ERBB4: variants seen among roughly 807,000 people sequenced by gnomAD.
ERBB4 encodes the protein receptor tyrosine-protein kinase erbB-4.
ERBB4 carries 42 observed loss-of-function variants against 158.0 expected under a neutral mutation model. The observed-to-expected ratio is 0.27, with a 90% CI of 0.21 to 0.34. The LOEUF (loss-of-function observed/expected upper bound fraction) is 0.34. ERBB4 is among the 10% of genes least tolerant of loss of function. The probability of loss-of-function intolerance (pLI) is 1.00; values close to 1 mark genes in which losing one functional copy is unlikely to be tolerated. For missense variants in ERBB4, 1,333 were observed against 1,624.1 expected (o/e 0.82, Z 3.08); for synonymous variants, 583 against 558.7 (o/e 1.04, Z -0.61).
chr2:212,434,636 A>C (rs1454564777), intron 1 of ERBB4, among the ~76,000 whole-genome samples: 4 of 151,922 alleles, frequency 2.6e-5, no homozygotes, highest in Admixed American at 6.6e-5. Flanking sequence ...GTAAACTTCA[A>C]ATTCTCAAAG....
Position 211,550,813 on chromosome 2 carries a change from A to C in ERBB4, c.2487+11090T>G, listed in dbSNP as rs546253617. ...AATATGATTTCTAAATTAATCAATT[A>C]ATTGTTCCTGGTTAGATCATGGCTG... On this transcript the variant is annotated intron_variant, in intron 20 of 27. Transcript: ENST00000342788. Among the ~76,000 whole-genome samples the C allele has an allele frequency of 5.1e-4, 76 of 150,324 alleles. 2 individuals carry two copies. Among genetic ancestry groups the C allele is most frequent in the Admixed American group, 1.0e-3 (15 of 15,022 alleles).
At chr2:212,275,125 G>A (rs950183988) in intron 1 of ERBB4, among the ~76,000 whole-genome samples, 3 of 152,002 alleles carry the variant, frequency 2.0e-5, no homozygotes, top group African/African-American at 7.2e-5. Context: ...TGGCTGCATA[G>A]TATTTCATGG....
At chr2:211,715,423 G>T (rs1434633229) in intron 7 of ERBB4, among the ~76,000 whole-genome samples, 2 of 152,146 alleles carry the variant, frequency 1.3e-5, no homozygotes, top group African/African-American at 4.8e-5. Context: ...TATCTCAGGG[G>T]AACCCAACCT....
intron 2 of ERBB4, among the ~76,000 whole-genome samples, chr2:212,055,241 G>A (rs1346698452): frequency 6.6e-6 from 1 of 152,244 alleles, no homozygotes; most frequent in East Asian, 1.9e-4. Context: ...GCAGCAGTGA[G>A]TCTGGGGAAG....
intron 15 of ERBB4, among the ~76,000 whole-genome samples, chr2:211,662,038 C>CAAAAAAAAAAAAAAAAAAAAA (rs61318918): frequency 5.0e-5 from 2 of 39,708 alleles, no homozygotes; most frequent in African/African-American, 1.7e-4. Context: ...GACTCCGTCT[C>CAAAAAAAAAAAAAAAAAAAAA]AAAAAAAAAA....
intron 3 of ERBB4, among the ~76,000 whole-genome samples, chr2:211,912,362 C>G (rs376035945): frequency 5.3e-5 from 8 of 151,550 alleles, no homozygotes; most frequent in African/African-American, 1.9e-4. Flanking sequence ...TTTTACCTTC[C>G]AAGAGTAAAT....
chr2:211,737,754 A>G (rs188041312), intron 5 of ERBB4, among the ~76,000 whole-genome samples: 5 of 152,234 alleles, frequency 3.3e-5, no homozygotes, highest in Admixed American at 6.5e-5. Context: ...TTATATAAAT[A>G]TTGGCTCTTG....
chr2:211,904,377 A>C (rs1277058038), intron 3 of ERBB4, among the ~76,000 whole-genome samples: 1 of 152,156 alleles, frequency 6.6e-6, no homozygotes, highest in African/African-American at 2.4e-5. Context: ...CAAGATTTTA[A>C]AGCATAAATG....
At chr2:211,875,041 AAAAAAAAAAC>A (rs1553652652) in intron 3 of ERBB4, among the ~76,000 whole-genome samples, 13,299 of 140,166 alleles carry the variant, frequency 0.095, 517 homozygotes, top group Non-Finnish European at 0.14. Flanking sequence ...AAAAAAAAAA[AAAAAAAAAAC>A]AAACTCAAAT....
chr2:211,574,186 T>C (rs1249894019), intron 19 of ERBB4, among the ~76,000 whole-genome samples: 1 of 152,152 alleles, frequency 6.6e-6, no homozygotes, highest in Non-Finnish European at 1.5e-5. Context: ...TCTTTTAAAG[T>C]CTGGAGGGGA....
chr2:211,474,343 A>C (rs1452977798), intron 20 of ERBB4, among the ~76,000 whole-genome samples: 1 of 152,116 alleles, frequency 6.6e-6, no homozygotes. Context: ...TATATTATAC[A>C]GAAGACAACA....
At chr2:212,495,210 C>T (rs189959283) in intron 1 of ERBB4, among the ~76,000 whole-genome samples, 98 of 151,854 alleles carry the variant, frequency 6.5e-4, no homozygotes, top group African/African-American at 2.3e-3. Flanking sequence ...TTGTTTTTTC[C>T]TCATTAAAAC....
rs116267645 is a variant in ERBB4, at chr2:211,502,412, T to C, written c.2487+59491A>G. 7.1e-3 allele frequency among the ~76,000 whole-genome samples: 1,075 copies of C among 152,296 alleles called. 10 individuals are homozygous for C. Among genetic ancestry groups the C allele is most frequent in the African/African-American group, 0.024 (1,014 of 41,580 alleles). On this transcript the variant is annotated intron_variant, in intron 20 of 27. Coordinates refer to ENST00000342788, the MANE Select transcript of ERBB4 (RefSeq NM_005235.3). Reference sequence around the variant, plus strand: ...GTCTCAAAGGTTATTAATTATTTCATATTGATTACTCTTAACTTCAGATTA... The same window carrying C: ...GTCTCAAAGGTTATTAATTATTTCACATTGATTACTCTTAACTTCAGATTA...
chr2:212,044,929 G>A (rs1375192712), intron 2 of ERBB4, among the ~76,000 whole-genome samples: 1 of 151,720 alleles, frequency 6.6e-6, no homozygotes, highest in Admixed American at 6.6e-5. Flanking sequence ...TATCATCAGG[G>A]TCTGGCAGCA....
At chr2:212,059,172 G>A (rs1194529852) in intron 2 of ERBB4, among the ~76,000 whole-genome samples, 1 of 152,112 alleles carries the variant, frequency 6.6e-6, no homozygotes, top group Non-Finnish European at 1.5e-5. Context: ...GCCAAATCAT[G>A]AGTGAACTCC....
intron 2 of ERBB4, among the ~76,000 whole-genome samples, chr2:212,025,263 G>A (rs1391882320): frequency 6.6e-6 from 1 of 151,730 alleles, no homozygotes; most frequent in Non-Finnish European, 1.5e-5. Context: ...TTATGAGAAG[G>A]CACTTGAAAG....
intron 19 of ERBB4, among the ~76,000 whole-genome samples, chr2:211,594,385 G>A (rs900427606): frequency 6.6e-6 from 1 of 151,928 alleles, no homozygotes; most frequent in Non-Finnish European, 1.5e-5. Flanking sequence ...GTTGCAGTGA[G>A]CTGAAATCGC....
At chr2:211,660,902 A>G (rs1417159285) in intron 15 of ERBB4, among the ~76,000 whole-genome samples, 1 of 152,216 alleles carries the variant, frequency 6.6e-6, no homozygotes, top group Non-Finnish European at 1.5e-5. Flanking sequence ...TTCAAGAAAG[A>G]GGCGGTGATC....
At chr2:212,249,279 T>G (rs2084430765) in intron 1 of ERBB4, among the ~76,000 whole-genome samples, 1 of 151,926 alleles carries the variant, frequency 6.6e-6, no homozygotes, top group Admixed American at 6.6e-5. Flanking sequence ...GTAAACTGTA[T>G]TATTTATTCA....
Sources: allele counts gnomAD v4.1 joint callset (sites outside exome capture counted in the v4.1 genomes callset), GRCh38; gene constraint gnomAD v4.1.1; transcripts MANE v1.5; gene names NCBI Gene and HGNC (gene_info 2026-07-23, HGNC 2026-07-21).